Variants in STAU2 observed in about 807,000 individuals in gnomAD.
STAU2 encodes the protein double-stranded RNA-binding protein Staufen homolog 2.
In STAU2, 20 loss-of-function variants were observed where a neutral mutation model predicts 65.9. The observed-to-expected ratio is 0.30, with a 90% CI of 0.21 to 0.44. STAU2 has a LOEUF of 0.44. Ranked by LOEUF, STAU2 falls within the 20% of genes least tolerant of loss-of-function variation. The probability of loss-of-function intolerance (pLI) is 1.00; values close to 1 mark genes in which losing one functional copy is unlikely to be tolerated. For synonymous variants in STAU2, 232 were observed against 233.9 expected (o/e 0.99, Z 0.07); for missense variants, 558 against 683.9 (o/e 0.82, Z 2.05).
chr8:73,470,775 G>C (rs560162385), intron 13 of STAU2, among the ~76,000 whole-genome samples: 115 of 152,020 alleles, frequency 7.6e-4, no homozygotes, highest in Admixed American at 2.0e-3. Flanking sequence ...CTGTACTCCA[G>C]CCTGGGCAGC....
intron 6 of STAU2, among the ~76,000 whole-genome samples, chr8:73,631,320 T>C (rs969650379): frequency 4.6e-5 from 7 of 151,738 alleles, no homozygotes; most frequent in Non-Finnish European, 7.4e-5. Context: ...AAATGTACCC[T>C]TGCGGTTTGA....
At chr8:73,438,246 A>T (rs1000594855) in intron 13 of STAU2, among the ~76,000 whole-genome samples, 3 of 152,192 alleles carry the variant, frequency 2.0e-5, no homozygotes, top group African/African-American at 7.2e-5. Context: ...ACAAACACTC[A>T]TGGAGAACCA....
intron 13 of STAU2, among the ~76,000 whole-genome samples, chr8:73,467,092 TA>T (rs1377119495): frequency 6.6e-6 from 1 of 152,234 alleles, no homozygotes; most frequent in Non-Finnish European, 1.5e-5. Context: ...GCACTTCCCA[TA>T]AGTTGACATC....
intron 3 of STAU2, among the ~76,000 whole-genome samples, chr8:73,718,476 A>T (rs1203974171): frequency 6.6e-6 from 1 of 152,258 alleles, no homozygotes; most frequent in Non-Finnish European, 1.5e-5. Context: ...ACTTGCTTAC[A>T]GTATGAAACC....
intron 6 of STAU2, among the ~76,000 whole-genome samples, chr8:73,624,433 T>A (rs934276927): frequency 6.6e-6 from 1 of 152,194 alleles, no homozygotes; most frequent in African/African-American, 2.4e-5. Context: ...AATGGATATA[T>A]AGATAAATCA....
At chr8:73,537,225 T>C (rs1246037646) in intron 13 of STAU2, among the ~76,000 whole-genome samples, 2 of 152,078 alleles carry the variant, frequency 1.3e-5, no homozygotes, top group African/African-American at 4.8e-5. Flanking sequence ...AAACAAATAG[T>C]GCTTCAAGGG....
At chr8:73,702,559 C>G (rs1368966151) in intron 4 of STAU2, among the ~76,000 whole-genome samples, 2 of 151,250 alleles carry the variant, frequency 1.3e-5, no homozygotes, top group Non-Finnish European at 2.9e-5. Flanking sequence ...TACTATGTAC[C>G]CACAAAAATT....
At chr8:73,558,527 G>C (rs1009112967) in intron 12 of STAU2, among the ~76,000 whole-genome samples, 1 of 152,180 alleles carries the variant, frequency 6.6e-6, no homozygotes, top group Admixed American at 6.5e-5. Flanking sequence ...TTTTGAATTG[G>C]AGAGCTCTTA....
intron 12 of STAU2, among the ~76,000 whole-genome samples, chr8:73,556,938 T>TA (rs139844794): frequency 2.1e-4 from 32 of 151,648 alleles, no homozygotes; most frequent in Admixed American, 1.6e-3. Context: ...AATAAAGTTG[T>TA]AAAAAAAAAT....
intron 3 of STAU2, among the ~76,000 whole-genome samples, chr8:73,732,110 G>C (rs1806112270): frequency 6.6e-6 from 1 of 152,198 alleles, no homozygotes; most frequent in Admixed American, 6.5e-5. Flanking sequence ...CTGGAAGCTT[G>C]ACTAAAGCTG....
At chr8:73,599,465 T>A (rs114819558) in intron 10 of STAU2, among the ~76,000 whole-genome samples, 1 of 152,112 alleles carries the variant, frequency 6.6e-6, no homozygotes, top group Non-Finnish European at 1.5e-5. Flanking sequence ...GCAATCCATA[T>A]CTGAAAAGTT....
intron 9 of STAU2, among the ~76,000 whole-genome samples, chr8:73,608,040 G>T (rs921295411): frequency 1.3e-5 from 2 of 152,160 alleles, no homozygotes; most frequent in African/African-American, 4.8e-5. Flanking sequence ...TCCAGGTACA[G>T]CATCCAGGCA....
At chr8:73,603,644 C>G in intron 10 of STAU2, 82 bp downstream of exon 10, 1 of 1,518,404 alleles carries the variant, frequency 6.6e-7, no homozygotes, top group Non-Finnish European at 8.8e-7. Flanking sequence ...GCTCTTAAGT[C>G]CTAGTTTGCC....
chr8:73,558,723 C>T (rs62510314), intron 12 of STAU2, among the ~76,000 whole-genome samples: 46,006 of 152,044 alleles, frequency 0.3, 7,223 homozygotes, highest in Non-Finnish European at 0.33. Context: ...TGCCACTCCA[C>T]TGGAACTCCC....
rs918923304 is a variant in STAU2, at chr8:73,559,654, G to A, written c.1223-7335C>T. 3.1e-4 allele frequency among the ~76,000 whole-genome samples: 47 copies of A among 152,306 alleles called. 1 individual carries two copies. The highest frequency in any genetic ancestry group is 4.4e-4 in the Non-Finnish European group (30 of 68,024). ...ACCATGGTCATGTCCCTGAAGGTCAGGGACAGGTGGAATGCATCCTTGGCA... is the reference window on the plus strand; with the variant it reads ...ACCATGGTCATGTCCCTGAAGGTCAAGGACAGGTGGAATGCATCCTTGGCA... On this transcript the variant is annotated intron_variant, in intron 12 of 14. Coordinates refer to ENST00000524300, the MANE Select transcript of STAU2 (RefSeq NM_001164380.2).
chr8:73,670,493 TG>T (rs2130390460), intron 6 of STAU2: 1 of 151,476 alleles, frequency 6.6e-6, no homozygotes, highest in South Asian at 2.1e-4. Context: ...TCTACAGAGG[TG>T]AGGTATATAG....
intron 3 of STAU2, 87 bp downstream of exon 3, chr8:73,738,195 TTA>T (rs1806579010): frequency 1.7e-6 from 2 of 1,185,072 alleles, no homozygotes; most frequent in Non-Finnish European, 2.5e-6. Flanking sequence ...CAGGTTACAG[TTA>T]TAGAAAAGAA....
rs182094732 is a variant in STAU2 at position 73,651,044 on chromosome 8, G to C, written c.410+22063C>G. Among the ~76,000 whole-genome samples, 9 of 152,300 alleles carry C rather than the reference G, an allele frequency of 5.9e-5. No individual in the cohort carries two copies. The East Asian group carries it at 1.7e-3, about 29-fold the overall frequency. On this transcript the variant is annotated intron_variant, in intron 6 of 14. Transcript: ENST00000524300. ...CCCTCCTCCTCCCCACCTTGTGGCGGGCAGCAGCCCTCTAGCTTTGGCTCC... is the reference window on the plus strand; with the variant it reads ...CCCTCCTCCTCCCCACCTTGTGGCGCGCAGCAGCCCTCTAGCTTTGGCTCC...
chr8:73,700,051 T>A (rs972545510), intron 4 of STAU2, among the ~76,000 whole-genome samples: 3 of 151,972 alleles, frequency 2.0e-5, no homozygotes, highest in Admixed American at 1.3e-4. Flanking sequence ...ATACATCACA[T>A]CAACAAAATG....
Sources: allele counts gnomAD v4.1 joint callset (sites outside exome capture counted in the v4.1 genomes callset), GRCh38; gene constraint gnomAD v4.1.1; transcripts MANE v1.5; gene names NCBI Gene and HGNC (gene_info 2026-07-23, HGNC 2026-07-21).